Variants in DAP3 observed in about 807,000 individuals in gnomAD.
The protein encoded by DAP3 is death associated protein 3.
Under a neutral mutation model 51.9 loss-of-function variants are expected in DAP3, and 28 were observed. The observed-to-expected ratio is 0.54, with a 90% CI of 0.40 to 0.74. DAP3 has a LOEUF of 0.74. Ranked by LOEUF, DAP3 falls within the 30% of genes least tolerant of loss-of-function variation. DAP3 has a pLI of 0.00. For synonymous variants in DAP3, 170 were observed against 170.3 expected (o/e 1.00, Z 0.01); for missense variants, 458 against 483.5 (o/e 0.95, Z 0.49).
chr1:155,731,226 C>T, intron 9 of DAP3, 130 bp from the exon 10 acceptor site: 1 of 797,518 alleles, frequency 1.3e-6, no homozygotes, highest in Non-Finnish European at 2.1e-6. Flanking sequence ...CAAATCGCGC[C>T]ACTGCACTCC....
chr1:155,719,165 G>C (rs1409226848), intron 3 of DAP3, among the ~76,000 whole-genome samples: 1 of 152,096 alleles, frequency 6.6e-6, no homozygotes, highest in Non-Finnish European at 1.5e-5. Context: ...GCCTAGGTGG[G>C]AGGATCACTT....
chr1:155,729,010 T>A, intron 7 of DAP3, 32 bp from the exon 8 acceptor site: 2 of 1,609,174 alleles, frequency 1.2e-6, no homozygotes, highest in Non-Finnish European at 1.7e-6. Context: ...GTAGCCTTTT[T>A]TTTGGTTTTT....
At chr1:155,712,664 T>A (rs910640797) in intron 2 of DAP3, among the ~76,000 whole-genome samples, 1 of 151,110 alleles carries the variant, frequency 6.6e-6, no homozygotes, top group Non-Finnish European at 1.5e-5. Flanking sequence ...TTTAATTTGC[T>A]TCAAAAAGTA....
intron 2 of DAP3, among the ~76,000 whole-genome samples, chr1:155,710,932 G>A (rs899299377): frequency 1.3e-5 from 2 of 152,018 alleles, no homozygotes; most frequent in Non-Finnish European, 2.9e-5. Context: ...GCACCTGAGC[G>A]GGATTAGTCG....
Position 155,729,314 on chromosome 1 carries a change from G to GA in DAP3, c.793dup (p.Ile265AsnfsTer15). ...TTTCACCTCCTAGTGGCCGTGGATG[G>GA]AATCAATGCTCTTTGGGGAAGAACC... On this transcript the variant is annotated frameshift_variant, in exon 9 of 13. Coordinates refer to ENST00000368336, the MANE Select transcript of DAP3 (RefSeq NM_004632.4). LOFTEE classifies it high-confidence loss of function. 6.2e-7 allele frequency: 1 copy of GA among 1,614,134 alleles called. No homozygotes were observed. Among genetic ancestry groups the GA allele is most frequent in the Non-Finnish European group, 8.5e-7 (1 of 1,180,036 alleles).
intron 11 of DAP3, among the ~76,000 whole-genome samples, chr1:155,735,940 T>C (rs1415028627): frequency 1.3e-5 from 2 of 151,450 alleles, no homozygotes; most frequent in Admixed American, 6.6e-5. Flanking sequence ...CTCCCGAGTT[T>C]AAGCAATTCT....
rs199563537 is a variant in DAP3, at chr1:155,733,434, A to T, written c.993+1401A>T. On this transcript the variant is annotated intron_variant, in intron 11 of 12. Coordinates refer to ENST00000368336, the MANE Select transcript of DAP3 (RefSeq NM_004632.4). ...ATCCATTACTTTAGTTATACCTGGC[A>T]TGGAGCCTCCGCAGCTGGTATGGTC... Among the ~76,000 whole-genome samples, 5 of 152,242 alleles carry T rather than the reference A, an allele frequency of 3.3e-5. No individual in the cohort carries two copies. In the East Asian group the frequency reaches 9.6e-4, roughly 29 times the overall value.
intron 2 of DAP3, chr1:155,710,564 C>T (rs1656571585): frequency 6.6e-6 from 1 of 152,066 alleles, no homozygotes; most frequent in Non-Finnish European, 1.5e-5. Context: ...ACTCAGAATT[C>T]TAAGATGCCT....
chr1:155,701,887 T>G (rs670876), intron 1 of DAP3, among the ~76,000 whole-genome samples: 53,139 of 148,150 alleles, frequency 0.36, 11,670 homozygotes, highest in East Asian at 0.7. Flanking sequence ...AATCGGGAAA[T>G]AAGTGGGGTC....
At chr1:155,697,231 G>A (rs1460306726) in intron 1 of DAP3, among the ~76,000 whole-genome samples, 1 of 152,170 alleles carries the variant, frequency 6.6e-6, no homozygotes, top group Admixed American at 6.5e-5. Flanking sequence ...GGTGCGGCAA[G>A]CTGAGTTTCA....
rs112380821 is a variant in DAP3, at chr1:155,704,268, C to T, written c.-7-5505C>T. Among the ~76,000 whole-genome samples, 858 of 152,278 alleles carry T rather than the reference C, an allele frequency of 5.6e-3. 6 individuals are homozygous for T. Among genetic ancestry groups the T allele is most frequent in the African/African-American group, 0.019 (809 of 41,550 alleles). ...TAATTTGGGTTCAAGATGATAGTGT[C>T]CTAGAACGGAAGCTGATTACACGTT... On this transcript the variant is annotated intron_variant, in intron 1 of 12. Coordinates refer to ENST00000368336, the MANE Select transcript of DAP3 (RefSeq NM_004632.4).
intron 2 of DAP3, chr1:155,710,368 A>C (rs957411277): frequency 1.3e-5 from 2 of 151,984 alleles, no homozygotes; most frequent in African/African-American, 2.4e-5. Flanking sequence ...AATAGCTGGG[A>C]CTACAGGCGC....
chr1:155,712,744 G>C (rs543420661), intron 2 of DAP3, among the ~76,000 whole-genome samples: 5 of 151,974 alleles, frequency 3.3e-5, no homozygotes, highest in Non-Finnish European at 5.9e-5. Context: ...GAGACTGTCC[G>C]GGGCAATATA....
At chr1:155,733,098 A>T (rs930373251) in intron 11 of DAP3, among the ~76,000 whole-genome samples, 5 of 152,208 alleles carry the variant, frequency 3.3e-5, no homozygotes, top group African/African-American at 1.2e-4. Flanking sequence ...TGTCATTTGA[A>T]ATCTTTATGT....
At chr1:155,734,146 G>A (rs1052982541) in intron 11 of DAP3, among the ~76,000 whole-genome samples, 12 of 151,952 alleles carry the variant, frequency 7.9e-5, no homozygotes, top group Admixed American at 6.6e-4. Context: ...AATAGAGTGC[G>A]GCCCTATCTC....
intron 2 of DAP3, 190 bp downstream of exon 2, chr1:155,710,014 A>T: frequency 2.1e-6 from 1 of 483,932 alleles, no homozygotes; most frequent in South Asian, 4.9e-5. Context: ...CAGAAAACAT[A>T]AGTAAGTTTG....
intron 2 of DAP3, among the ~76,000 whole-genome samples, chr1:155,715,528 A>AAGAG (rs5777953): frequency 6.7e-5 from 10 of 150,268 alleles, no homozygotes; most frequent in Non-Finnish European, 1.2e-4. Flanking sequence ...TCTTAAAAAA[A>AAGAG]AGAGAGAGAG....
intron 3 of DAP3, 115 bp from the exon 4 acceptor site, chr1:155,721,402 A>ATG (rs1557786272): frequency 7.1e-5 from 10 of 140,468 alleles, no homozygotes; most frequent in East Asian, 1.3e-4. Context: ...GTATGTATGT[A>ATG]TATATATATA....
intron 6 of DAP3, 104 bp downstream of exon 6, chr1:155,726,123 T>C: frequency 1.8e-6 from 2 of 1,086,820 alleles, no homozygotes; most frequent in Non-Finnish European, 1.3e-6. Flanking sequence ...CTTTTTTTTT[T>C]TTTTTTTGAG....
Sources: allele counts gnomAD v4.1 joint callset (sites outside exome capture counted in the v4.1 genomes callset), GRCh38; gene constraint gnomAD v4.1.1; transcripts MANE v1.5; gene names NCBI Gene and HGNC (gene_info 2026-07-23, HGNC 2026-07-21).